The following MAP3K4 variants were observed in gnomAD, a reference collection of about 807,000 sequenced individuals.
MAP3K4 encodes MAP three kinase 1.
MAP3K4 carries 67 observed loss-of-function variants against 185.6 expected under a neutral mutation model. The ratio of observed to expected loss-of-function variants is 0.36; its 90% confidence interval spans 0.30 to 0.44. The LOEUF is 0.44. MAP3K4 is among the 20% of genes least tolerant of loss of function. The pLI, the probability that MAP3K4 is intolerant of heterozygous loss-of-function variation, is 1.00. For missense variants in MAP3K4, 1,551 were observed against 1,995.1 expected (o/e 0.78, Z 4.24); for synonymous variants, 702 against 710.4 (o/e 0.99, Z 0.19).
At chr6:161,102,097 CT>C in intron 18 of MAP3K4, 105 bp downstream of exon 18, 17 of 855,990 alleles carry the variant, frequency 2.0e-5, no homozygotes, top group Admixed American at 2.5e-5. Flanking sequence ...TTGAAGATTC[CT>C]TTTTTTGGTC....
In MAP3K4 at chr6:161,103,179, A is replaced by G. The variant is rs569571439; in HGVS notation, c.3856+400A>G. ...CAAATAGCAGAAAAATCATTGGTCT[A>G]GTATTTAATGATCTATAAAATGCTT... On this transcript the variant is annotated intron_variant, in intron 19 of 26. Coordinates refer to ENST00000392142, the MANE Select transcript of MAP3K4 (RefSeq NM_005922.4). The surrounding 1 kb of genome is among the most constrained non-coding windows in gnomAD (Gnocchi z 4.6). 9.8e-5 allele frequency among the ~76,000 whole-genome samples: 15 copies of G among 152,376 alleles called. No homozygotes were observed. The East Asian group carries it at 1.5e-3, about 16-fold the overall frequency.
chr6:161,099,337 C>A (rs1281555851), intron 17 of MAP3K4, among the ~76,000 whole-genome samples: 2 of 152,182 alleles, frequency 1.3e-5, no homozygotes, highest in Non-Finnish European at 2.9e-5. Flanking sequence ...TTTACACTTA[C>A]TTTAGTAACA....
In MAP3K4 at chr6:161,070,981, G is replaced by A; in HGVS notation, c.1950+131G>A. The stretch of plus-strand genomic sequence containing the variant: ...AGTGAAAAATGACTGTTTGTCCATG[G>A]TTTTAAGCTGTATATTTTAGGGTAA... On this transcript the variant is annotated intron_variant, in intron 4 of 26. Coordinates refer to ENST00000392142, the MANE Select transcript of MAP3K4 (RefSeq NM_005922.4). The surrounding 1 kb of genome is among the most constrained non-coding windows in gnomAD (Gnocchi z 4.5). 1.2e-6 allele frequency: 1 copy of A among 854,170 alleles called. No homozygotes were observed. The highest frequency in any genetic ancestry group is 1.7e-6 in the Non-Finnish European group (1 of 581,324). 52.9% of individuals were successfully genotyped at this position (854,170 alleles called of 1,614,324 possible). A position where few individuals can be genotyped will look rare whatever the true frequency, so the allele number is the denominator to read the frequency against.
At chr6:161,060,990 T>C (rs1011173086) in intron 3 of MAP3K4, among the ~76,000 whole-genome samples, 9 of 152,338 alleles carry the variant, frequency 5.9e-5, no homozygotes, top group African/African-American at 2.2e-4. Flanking sequence ...CCAAGACCAC[T>C]GTCTGTACCC....
At position 160,991,861 on chromosome 6, in the gene MAP3K4, T is replaced by G; in HGVS notation, c.-71T>G. On this transcript the variant is annotated 5_prime_UTR_variant, in exon 1 of 27. Transcript: ENST00000392142. The surrounding 1 kb of genome is among the most constrained non-coding windows in gnomAD (Gnocchi z 5.7). ...GGCGGAGTCGAGTCACTCCCGCACT[T>G]CGGGGCTCCGGTGCCCCGCGCCAGG... 1 of 1,418,454 alleles carries G rather than the reference T, an allele frequency of 7.0e-7. No homozygotes were observed. Among genetic ancestry groups the G allele is most frequent in the Non-Finnish European group, 9.1e-7 (1 of 1,096,404 alleles). The allele number at this position is 1,418,454 out of a possible 1,614,324, so 87.9% of individuals were successfully genotyped here.
rs1246724675 is a variant in MAP3K4, at chr6:161,086,170, G to A, written c.2373-209G>A. On this transcript the variant is annotated intron_variant, in intron 7 of 26. Transcript: ENST00000392142. The surrounding 1 kb of genome is among the most constrained non-coding windows in gnomAD (Gnocchi z 4.8). The stretch of plus-strand genomic sequence containing the variant: ...TAAATGTGCCCTGCTTACATTGAAA[G>A]GATATGAATATTTTCTACAAAACTG... Among the ~76,000 whole-genome samples the A allele has an allele frequency of 6.6e-6, 1 of 152,162 alleles. No individual in the cohort carries two copies. Among genetic ancestry groups the A allele is most frequent in the African/African-American group, 2.4e-5 (1 of 41,442 alleles).
At position 161,098,346 on chromosome 6, in the gene MAP3K4, C is replaced by CTGT. The variant is rs1438016757; in HGVS notation, c.3595_3596insTTG (p.Ala1198_Ala1199insVal). 5.6e-6 allele frequency: 9 copies of CTGT among 1,611,676 alleles called. No homozygotes were observed. In the East Asian group the frequency reaches 6.7e-5, roughly 12 times the overall value. The stretch of plus-strand genomic sequence containing the variant: ...GCTGCTGCTGCTGCTGCTGCTGCTG[C>CTGT]TGCTGTTGCTGCCAGTCGGCCCAGC... On this transcript the variant is annotated inframe_insertion, in exon 17 of 27. Coordinates refer to ENST00000392142, the MANE Select transcript of MAP3K4 (RefSeq NM_005922.4). The surrounding 1 kb of genome is among the most constrained non-coding windows in gnomAD (Gnocchi z 4.4).
rs1288443613 is a variant in MAP3K4, at chr6:161,112,359, A to T, written c.4520-309A>T. Among the ~76,000 whole-genome samples, 1 of 152,208 alleles carries T rather than the reference A, an allele frequency of 6.6e-6. No homozygotes were observed. The highest frequency in any genetic ancestry group is 6.5e-5 in the Admixed American group (1 of 15,280). On this transcript the variant is annotated intron_variant, in intron 24 of 26. Coordinates refer to ENST00000392142, the MANE Select transcript of MAP3K4 (RefSeq NM_005922.4). This position sits in a 1 kb window ranked among gnomAD's most constrained non-coding sequence, Gnocchi z 5.1. ...CTAAACAACACTATGATTAAATGGT[A>T]ATGATTCGTTTTGATCACTTAGTGC... is the stretch of plus-strand genomic sequence containing the variant.
At chr6:160,992,270 G>C in intron 1 of MAP3K4, 187 bp downstream of exon 1, 1 of 777,922 alleles carries the variant, frequency 1.3e-6, no homozygotes, top group Non-Finnish European at 1.9e-6. Flanking sequence ...TCTGTCCGGC[G>C]ACTCCTCCCG....
Position 161,097,496 on chromosome 6 carries a change from A to G in MAP3K4, c.3524+320A>G, listed in dbSNP as rs751248467. On this transcript the variant is annotated intron_variant, in intron 16 of 26. Transcript: ENST00000392142. This position sits in a 1 kb window ranked among gnomAD's most constrained non-coding sequence, Gnocchi z 4.9. ...AAATAACCTTCAGAAAACAAATTTG[A>G]ATATGGATAGTGTAGTCAACATTTG... is the stretch of plus-strand genomic sequence containing the variant. Among the ~76,000 whole-genome samples, 1 of 152,212 alleles carries G rather than the reference A, an allele frequency of 6.6e-6. No individual in the cohort carries two copies. The highest frequency in any genetic ancestry group is 1.5e-5 in the Non-Finnish European group (1 of 68,036).
In MAP3K4 at chr6:161,100,844, G is replaced by A. The variant is rs778096279; in HGVS notation, c.3675-1048G>A. ...TCACTTCAACACCAGTGGTTTTCCC[G>A]TCAGATAGTGCCGAATTTTTTATGA... On this transcript the variant is annotated intron_variant, in intron 17 of 26. Coordinates refer to ENST00000392142, the MANE Select transcript of MAP3K4 (RefSeq NM_005922.4). The surrounding 1 kb of genome is among the most constrained non-coding windows in gnomAD (Gnocchi z 5.8). 2.6e-5 allele frequency among the ~76,000 whole-genome samples: 4 copies of A among 152,048 alleles called. No individual in the cohort carries two copies. The highest frequency in any genetic ancestry group is 5.9e-5 in the Non-Finnish European group (4 of 68,008).
In MAP3K4 at chr6:161,093,313, A is replaced by G. The variant is rs1777410041; in HGVS notation, c.3348+257A>G. ...CCCTTCTAAAATATTTGTGAGATTT[A>G]TATTTTTACTGCCATCATAGCTGCT... On this transcript the variant is annotated intron_variant, in intron 14 of 26. Transcript: ENST00000392142. This position sits in a 1 kb window ranked among gnomAD's most constrained non-coding sequence, Gnocchi z 5.2. Among the ~76,000 whole-genome samples the G allele has an allele frequency of 6.6e-6, 1 of 152,180 alleles. No individual in the cohort carries two copies. Among genetic ancestry groups the G allele is most frequent in the Non-Finnish European group, 1.5e-5 (1 of 68,024 alleles).
rs1316543206 is a variant in MAP3K4, at chr6:161,080,797, C to G, written c.2098-84C>G. 8 of 1,298,728 alleles carry G rather than the reference C, an allele frequency of 6.2e-6. No homozygotes were observed. The highest frequency in any genetic ancestry group is 1.5e-5 in the African/African-American group (1 of 67,814). The allele number at this position is 1,298,728 out of a possible 1,614,324, so 80.5% of individuals were successfully genotyped here. A position where few individuals can be genotyped will look rare whatever the true frequency, so the allele number is the denominator to read the frequency against. ...GCCCCCGGCCCGCCCCCACTTTACCCTGCTGATGTGTAGCTTTCAGGTGAG... is the reference window on the plus strand; with the variant it reads ...GCCCCCGGCCCGCCCCCACTTTACCGTGCTGATGTGTAGCTTTCAGGTGAG... On this transcript the variant is annotated intron_variant, in intron 5 of 26. Transcript: ENST00000392142. This position sits in a 1 kb window ranked among gnomAD's most constrained non-coding sequence, Gnocchi z 4.8.
At chr6:161,021,867 C>G (rs1413916878) in intron 1 of MAP3K4, among the ~76,000 whole-genome samples, 2 of 151,734 alleles carry the variant, frequency 1.3e-5, no homozygotes, top group African/African-American at 2.4e-5. Flanking sequence ...TGGTATGAAA[C>G]AGATAATGTG....
At chr6:161,024,338 A>T (rs2115125258) in intron 1 of MAP3K4, among the ~76,000 whole-genome samples, 1 of 152,284 alleles carries the variant, frequency 6.6e-6, no homozygotes, top group African/African-American at 2.4e-5. Context: ...CCCTATGCTC[A>T]GTTTCCCCTT....
At position 161,100,306 on chromosome 6, in the gene MAP3K4, A is replaced by G. The variant is rs1180487350; in HGVS notation, c.3675-1586A>G. ...TGCCACGGGGAGGCAGAATGACACC[A>G]GTGTGTGCATCCCTGCCACAGCCAT... On this transcript the variant is annotated intron_variant, in intron 17 of 26. Coordinates refer to ENST00000392142, the MANE Select transcript of MAP3K4 (RefSeq NM_005922.4). This position sits in a 1 kb window ranked among gnomAD's most constrained non-coding sequence, Gnocchi z 5.8. Among the ~76,000 whole-genome samples the G allele has an allele frequency of 1.3e-5, 2 of 152,248 alleles. No homozygotes were observed. The highest frequency in any genetic ancestry group is 2.9e-5 in the Non-Finnish European group (2 of 68,040).
At chr6:161,015,511 CGAGGCTGGGTAATTTATAAAGAAAA>C (rs1782052201) in intron 1 of MAP3K4, among the ~76,000 whole-genome samples, 1 of 152,108 alleles carries the variant, frequency 6.6e-6, no homozygotes, top group South Asian at 2.1e-4. Flanking sequence ...GAAGAATACT[CGAGGCTGGGTAATTTATAAAGAAAA>C]GAGGTTTACT....
chr6:161,062,989 C>T (rs1197274353), intron 3 of MAP3K4, among the ~76,000 whole-genome samples: 1 of 152,010 alleles, frequency 6.6e-6, no homozygotes, highest in Non-Finnish European at 1.5e-5. Context: ...TTTGGATCTA[C>T]TTTGCCTGTC....
intron 2 of MAP3K4, among the ~76,000 whole-genome samples, chr6:161,036,825 G>C (rs955156870): frequency 2.0e-5 from 3 of 152,156 alleles, no homozygotes; most frequent in Non-Finnish European, 4.4e-5. Context: ...ATACAGACAT[G>C]ATGCTCCAAG....
Sources: allele counts gnomAD v4.1 joint callset (sites outside exome capture counted in the v4.1 genomes callset), GRCh38; gene constraint gnomAD v4.1.1; non-coding constraint Gnocchi (gnomAD v3.1); transcripts MANE v1.5; gene names NCBI Gene and HGNC (gene_info 2026-07-23, HGNC 2026-07-21).